Variants in FIBCD1 observed in about 807,000 individuals in gnomAD.
FIBCD1 encodes fibrinogen C domain containing 1.
Under a neutral mutation model 45.1 loss-of-function variants are expected in FIBCD1, and 47 were observed. That is an observed-to-expected ratio of 1.04 (90% CI 0.82 to 1.33). FIBCD1 has a LOEUF of 1.33. Among genes scored for constraint, FIBCD1 ranks in the 40% most tolerant of loss-of-function variants. The probability of loss-of-function intolerance (pLI) is 0.00; values close to 1 mark genes in which losing one functional copy is unlikely to be tolerated. For missense variants in FIBCD1, 653 were observed against 682.2 expected (o/e 0.96, Z 0.48); for synonymous variants, 313 against 308.1 (o/e 1.02, Z -0.17).
chr9:130,933,611 C>T (rs1832473041), intron 1 of FIBCD1, among the ~76,000 whole-genome samples: 1 of 151,996 alleles, frequency 6.6e-6, no homozygotes, highest in African/African-American at 2.4e-5. Flanking sequence ...GGATAAAGCT[C>T]ATGCCAGCAG....
chr9:130,913,285 C>G (rs560481351), intron 4 of FIBCD1, among the ~76,000 whole-genome samples: 1 of 149,526 alleles, frequency 6.7e-6, no homozygotes, highest in East Asian at 2.1e-4. Flanking sequence ...GCTTTATTCT[C>G]CGAGGCAGCG....
chr9:130,929,746 G>A lies in FIBCD1; in HGVS notation c.373C>T (p.Gln125Ter). The change falls in exon 2 of 7, where the codon CAG (glutamine) becomes TAG (stop). Residue 125 changes from glutamine (Q) to a stop codon, truncating the protein, a stop_gained. Transcript: ENST00000372338. LOFTEE classifies it high-confidence loss of function. ...TCCTGGTCGCCCACCAGCCGTGGCT[G>A]GGCCTGGTGCTCTGTCAGCGCCTGC... is the stretch of plus-strand genomic sequence containing the variant. ...VLQALTEHQA[Q>*]PRLVGDQEQE... is the part of the protein sequence containing the mutation. 6.4e-7 allele frequency: 1 copy of A among 1,569,294 alleles called. No homozygotes were observed. Among genetic ancestry groups the A allele is most frequent in the Non-Finnish European group, 8.6e-7 (1 of 1,157,706 alleles).
In FIBCD1 at chr9:130,903,654, G is replaced by C. The variant is rs1831872880; in HGVS notation, c.*410C>G. 3.0e-6 allele frequency: 1 copy of C among 330,876 alleles called. No individual in the cohort carries two copies. Among genetic ancestry groups the C allele is most frequent in the Non-Finnish European group, 5.9e-6 (1 of 170,152 alleles). The allele number at this position is 330,876 out of a possible 1,614,324, so 20.5% of individuals were successfully genotyped here. A position where few individuals can be genotyped will look rare whatever the true frequency, so the allele number is the denominator to read the frequency against. On this transcript the variant is annotated 3_prime_UTR_variant, in exon 7 of 7. Coordinates refer to ENST00000372338, the MANE Select transcript of FIBCD1 (RefSeq NM_032843.5). ...TGACGTTCCCCACGATCTGCTAGGA[G>C]GACTCCAGGGGTGCTGTCTGCCCCC...
At position 130,922,213 on chromosome 9, in the gene FIBCD1, C is replaced by G. The variant is rs1046975853; in HGVS notation, c.849+1531G>C. Among the ~76,000 whole-genome samples, 1 of 152,214 alleles carries G rather than the reference C, an allele frequency of 6.6e-6. No individual in the cohort carries two copies. Among genetic ancestry groups the G allele is most frequent in the Non-Finnish European group, 1.5e-5 (1 of 68,022 alleles). On this transcript the variant is annotated intron_variant, in intron 4 of 6. Coordinates refer to ENST00000372338, the MANE Select transcript of FIBCD1 (RefSeq NM_032843.5). This position sits in a 1 kb window ranked among gnomAD's most constrained non-coding sequence, Gnocchi z 4.5. ...AAATAGTCAGCACCAAGATCCCAGG[C>G]GAGATGCGTCCCGCACTCAGTGGCA...
intron 1 of FIBCD1, among the ~76,000 whole-genome samples, chr9:130,934,101 G>A (rs1832483594): frequency 1.3e-5 from 2 of 152,298 alleles, no homozygotes; most frequent in South Asian, 2.1e-4. Flanking sequence ...TGGGCAGGGG[G>A]CTTATGGGCT....
At chr9:130,916,925 C>G (rs887006546) in intron 4 of FIBCD1, among the ~76,000 whole-genome samples, 2 of 152,126 alleles carry the variant, frequency 1.3e-5, no homozygotes, top group Non-Finnish European at 2.9e-5. Context: ...TGGTGAAACC[C>G]CATCTCTACT....
rs774789307 is a variant in FIBCD1 at position 130,930,022 on chromosome 9, A to G, written c.97T>C (p.Cys33Arg). The G allele has an allele frequency of 7.2e-6, 11 of 1,519,114 alleles. No homozygotes were observed. In the South Asian group the frequency reaches 9.1e-5, roughly 13 times the overall value. The allele number at this position is 1,519,114 out of a possible 1,614,324, so 94.1% of individuals were successfully genotyped here. The change falls in exon 2 of 7, where the codon TGC becomes CGC. Residue 33 changes from cysteine to arginine, a missense_variant. By Grantham distance (180) the Cys-to-Arg change is radical. Transcript: ENST00000372338. ...PQRPSCGYVL[C>R]TVLLALAVLL... The stretch of plus-strand genomic sequence containing the variant: ...ACAGCCAGGGCCAGCAGCACGGTGC[A>G]CAGCACGTAGCCGCAGCTCGGCCGC...
In FIBCD1 at chr9:130,933,533, G is replaced by A. The variant is rs374414769; in HGVS notation, c.73-3487C>T. ...GCTTCCAGCTGGAGGGACCCAGCTT[G>A]GTTCCTCGAGTGACCCCCAGTGCCC... is the stretch of plus-strand genomic sequence containing the variant. On this transcript the variant is annotated intron_variant, in intron 1 of 6. Transcript: ENST00000372338. 3.5e-4 allele frequency among the ~76,000 whole-genome samples: 53 copies of A among 152,344 alleles called. 2 individuals are homozygous for A. The South Asian group carries it at 0.011, about 30-fold the overall frequency.
chr9:130,915,031 C>T (rs1299696559), intron 4 of FIBCD1, among the ~76,000 whole-genome samples: 2 of 152,256 alleles, frequency 1.3e-5, no homozygotes, highest in Admixed American at 6.5e-5. Flanking sequence ...CTTGTGCCCT[C>T]AGTCCCACGA....
intron 2 of FIBCD1, among the ~76,000 whole-genome samples, chr9:130,928,473 C>A (rs1351154126): frequency 6.6e-6 from 1 of 152,236 alleles, no homozygotes; most frequent in Non-Finnish European, 1.5e-5. Context: ...GGAGGGGCAG[C>A]TGGAAGGCGG....
At chr9:130,925,812 G>A (rs1259727737) in intron 2 of FIBCD1, among the ~76,000 whole-genome samples, 1 of 152,232 alleles carries the variant, frequency 6.6e-6, no homozygotes, top group Non-Finnish European at 1.5e-5. Context: ...AGTGAGCATG[G>A]AGCCGGCCGG....
chr9:130,936,366 G>A (rs1832520415), intron 1 of FIBCD1: 1 of 152,240 alleles, frequency 6.6e-6, no homozygotes, highest in Admixed American at 6.5e-5. Flanking sequence ...CCTCTTGTCT[G>A]AAGCTTCAAA....
rs182137380 is a variant in FIBCD1 at position 130,932,788 on chromosome 9, G to A, written c.73-2742C>T. On this transcript the variant is annotated intron_variant, in intron 1 of 6. Coordinates refer to ENST00000372338, the MANE Select transcript of FIBCD1 (RefSeq NM_032843.5). ...CTGTGCCAGGGCCGCTAACTGGGCC[G>A]TTCTATGATTTCCTTCCCTGCCTAA... 7.3e-4 allele frequency among the ~76,000 whole-genome samples: 111 copies of A among 152,312 alleles called. 1 individual carries two copies. Among genetic ancestry groups the A allele is most frequent in the Admixed American group, 2.0e-3 (31 of 15,306 alleles).
intron 5 of FIBCD1, among the ~76,000 whole-genome samples, chr9:130,907,548 T>C (rs1831950689): frequency 6.6e-6 from 1 of 152,126 alleles, no homozygotes; most frequent in Non-Finnish European, 1.5e-5. Flanking sequence ...ACTTCACATG[T>C]CCACCCCAGT....
intron 2 of FIBCD1, among the ~76,000 whole-genome samples, chr9:130,929,207 G>A (rs1362774587): frequency 6.6e-6 from 1 of 152,160 alleles, no homozygotes; most frequent in African/African-American, 2.4e-5. Context: ...TCCCCTCTCT[G>A]AGCCTCGATT....
chr9:130,923,963 T>C, intron 3 of FIBCD1, 83 bp from the exon 4 acceptor site: 1 of 1,592,282 alleles, frequency 6.3e-7, no homozygotes, highest in Non-Finnish European at 8.6e-7. Context: ...TGTCCATCGA[T>C]AATGCATGTG....
At chr9:130,914,731 A>G (rs1309814424) in intron 4 of FIBCD1, among the ~76,000 whole-genome samples, 1 of 151,866 alleles carries the variant, frequency 6.6e-6, no homozygotes, top group Non-Finnish European at 1.5e-5. Flanking sequence ...GCTCACTCCC[A>G]CCACTGGGAC....
chr9:130,912,392 CAAAAAAA>C lies in FIBCD1; in HGVS notation c.850-511_850-505del, dbSNP rs61490832. Among the ~76,000 whole-genome samples, 364 of 75,700 alleles carry C rather than the reference CAAAAAAA, an allele frequency of 4.8e-3. 3 individuals are homozygous for C. In the Middle Eastern group the frequency reaches 0.11, roughly 23 times the overall value. The allele number at this position is 75,700 out of a possible 152,430, so 49.7% of individuals were successfully genotyped here. On this transcript the variant is annotated intron_variant, in intron 4 of 6. Transcript: ENST00000372338. ...CTGTACTCCAGCCTGGGCTCTCTCT[CAAAAAAA>C]AAAAAAAAAAAAAAAAAGTGGGGTG...
rs1832369148 is a variant in FIBCD1 at position 130,926,749 on chromosome 9, G to A, written c.553-2353C>T. The stretch of plus-strand genomic sequence containing the variant: ...AGGCAGGAGAATCGCTTGAACCTGG[G>A]AGGCGGAGGTTGCAGTGAGCCGAGA... On this transcript the variant is annotated intron_variant, in intron 2 of 6. Transcript: ENST00000372338. The surrounding 1 kb of genome is among the most constrained non-coding windows in gnomAD (Gnocchi z 4.1). 1.3e-5 allele frequency among the ~76,000 whole-genome samples: 2 copies of A among 152,168 alleles called. No individual in the cohort carries two copies. Among genetic ancestry groups the A allele is most frequent in the African/African-American group, 4.8e-5 (2 of 41,428 alleles).
Sources: allele counts gnomAD v4.1 joint callset (sites outside exome capture counted in the v4.1 genomes callset), GRCh38; gene constraint gnomAD v4.1.1; non-coding constraint Gnocchi (gnomAD v3.1); transcripts MANE v1.5; gene names NCBI Gene and HGNC (gene_info 2026-07-23, HGNC 2026-07-21).